Variants in COL8A1 observed in about 807,000 individuals in gnomAD.
COL8A1 encodes collagen alpha-1(VIII) chain.
A neutral mutation model predicts 42.7 loss-of-function variants in COL8A1; 21 were observed. That is an observed-to-expected ratio of 0.49 (90% confidence interval 0.35 to 0.71). The LOEUF (loss-of-function observed/expected upper bound fraction) is 0.71, where lower values mean the gene tolerates loss of function less well. COL8A1 is among the 30% of genes least tolerant of loss of function. The probability of loss-of-function intolerance (pLI) is 0.01; values close to 1 mark genes in which losing one functional copy is unlikely to be tolerated. For missense variants in COL8A1, 788 were observed against 962.4 expected (o/e 0.82, Z 2.40); for synonymous variants, 367 against 369.1 (o/e 0.99, Z 0.06).
chr3:99,706,348 CT>C (rs1328061478), intron 1 of COL8A1, among the ~76,000 whole-genome samples: 2 of 152,164 alleles, frequency 1.3e-5, no homozygotes, highest in Non-Finnish European at 2.9e-5. Flanking sequence ...TGAAAACCAG[CT>C]TTGTTCCCAG....
In COL8A1 at chr3:99,735,630, T is replaced by TG. The variant is rs1192406026; in HGVS notation, c.-128-9266dup. On this transcript the variant is annotated intron_variant, in intron 1 of 3. Transcript: ENST00000652472. ...AAATTCTCTTTTTTTGTTGTGTCTC[T>TG]GCCTGGCTTTGGTATCAGAATGATG... 2.8e-3 allele frequency among the ~76,000 whole-genome samples: 427 copies of TG among 150,098 alleles called. 4 individuals are homozygous for TG. The highest frequency in any genetic ancestry group is 9.9e-3 in the African/African-American group (404 of 40,782).
intron 2 of COL8A1, among the ~76,000 whole-genome samples, chr3:99,753,129 A>T (rs1410532073): frequency 6.6e-6 from 1 of 152,200 alleles, no homozygotes; most frequent in East Asian, 1.9e-4. Context: ...TTTAGCAGAC[A>T]TCAGAATCAT....
chr3:99,660,180 G>A (rs116813838), intron 1 of COL8A1, among the ~76,000 whole-genome samples: 4,226 of 152,154 alleles, frequency 0.028, 94 homozygotes, highest in Middle Eastern at 0.048. Flanking sequence ...AAGTTCCAGC[G>A]GGGAAAGAAG....
intron 3 of COL8A1, among the ~76,000 whole-genome samples, chr3:99,792,565 T>A (rs1372182466): frequency 2.0e-5 from 3 of 152,190 alleles, no homozygotes; most frequent in Admixed American, 1.3e-4. Context: ...ACCTTTCACA[T>A]CTATTCTCTA....
chr3:99,676,195 C>T (rs1470527878), intron 1 of COL8A1, among the ~76,000 whole-genome samples: 1 of 152,074 alleles, frequency 6.6e-6, no homozygotes, highest in African/African-American at 2.4e-5. Flanking sequence ...TGTAAACCTT[C>T]TTACAAAGAA....
At chr3:99,712,627 T>C (rs1034157800) in intron 1 of COL8A1, among the ~76,000 whole-genome samples, 19 of 152,226 alleles carry the variant, frequency 1.2e-4, no homozygotes, top group African/African-American at 4.3e-4. Flanking sequence ...CAGCTAAAGA[T>C]TTTCCAGAAA....
chr3:99,662,993 G>A (rs938760084), intron 1 of COL8A1, among the ~76,000 whole-genome samples: 4 of 151,944 alleles, frequency 2.6e-5, no homozygotes, highest in Non-Finnish European at 4.4e-5. Context: ...TTTCACTCCC[G>A]GTAGATGACT....
At chr3:99,743,268 C>T (rs1047639555) in intron 1 of COL8A1, among the ~76,000 whole-genome samples, 1 of 152,202 alleles carries the variant, frequency 6.6e-6, no homozygotes, top group African/African-American at 2.4e-5. Context: ...AACTTTATTA[C>T]TAAAGATAAT....
intron 2 of COL8A1, among the ~76,000 whole-genome samples, chr3:99,788,446 A>T (rs562384913): frequency 6.6e-6 from 1 of 152,210 alleles, no homozygotes; most frequent in Non-Finnish European, 1.5e-5. Flanking sequence ...AGGGCCAAAC[A>T]TGCTAGCTTA....
intron 1 of COL8A1, among the ~76,000 whole-genome samples, chr3:99,667,443 T>C (rs116276712): frequency 0.099 from 15,112 of 152,186 alleles, 857 homozygotes; most frequent in Non-Finnish European, 0.14. Context: ...TTTGTTGTTG[T>C]TGTGTATGTT....
At chr3:99,649,726 C>A (rs1049599268) in intron 1 of COL8A1, among the ~76,000 whole-genome samples, 2 of 152,086 alleles carry the variant, frequency 1.3e-5, no homozygotes, top group African/African-American at 2.4e-5. Context: ...CCACATCTCC[C>A]TTTCCTCCCC....
At chr3:99,722,273 A>T (rs1300863639) in intron 1 of COL8A1, among the ~76,000 whole-genome samples, 2 of 152,012 alleles carry the variant, frequency 1.3e-5, no homozygotes, top group African/African-American at 4.8e-5. Context: ...AGAATTACAG[A>T]CTCCTTTCCA....
intron 1 of COL8A1, among the ~76,000 whole-genome samples, chr3:99,667,939 T>TA (rs780563133): frequency 9.9e-4 from 151 of 152,092 alleles, no homozygotes; most frequent in African/African-American, 1.4e-3. Context: ...ACTGATTTCA[T>TA]AAAAAAAATT....
chr3:99,651,945 A>C (rs922757074), intron 1 of COL8A1, among the ~76,000 whole-genome samples: 1 of 152,274 alleles, frequency 6.6e-6, no homozygotes, highest in Non-Finnish European at 1.5e-5. Flanking sequence ...GCCAGACAAC[A>C]TCAAGAAATA....
intron 1 of COL8A1, among the ~76,000 whole-genome samples, chr3:99,736,659 G>C (rs1470591178): frequency 6.6e-6 from 1 of 152,114 alleles, no homozygotes; most frequent in African/African-American, 2.4e-5. Flanking sequence ...CAAGTATGTG[G>C]TCAATTTTGG....
At chr3:99,719,388 T>C (rs1436924359) in intron 1 of COL8A1, among the ~76,000 whole-genome samples, 1 of 152,114 alleles carries the variant, frequency 6.6e-6, no homozygotes, top group East Asian at 1.9e-4. Flanking sequence ...AAAATAACTG[T>C]TGAATGAATA....
chr3:99,715,786 G>T (rs1939978523), intron 1 of COL8A1, among the ~76,000 whole-genome samples: 1 of 151,932 alleles, frequency 6.6e-6, no homozygotes, highest in African/African-American at 2.4e-5. Flanking sequence ...CGAAATGAAT[G>T]ATTTTATTGC....
intron 1 of COL8A1, among the ~76,000 whole-genome samples, chr3:99,649,018 C>T (rs1937749911): frequency 6.6e-6 from 1 of 152,134 alleles, no homozygotes; most frequent in Non-Finnish European, 1.5e-5. Flanking sequence ...CCCATGCTCA[C>T]ATTCTGTTAT....
At chr3:99,783,615 G>A (rs756172509) in intron 2 of COL8A1, among the ~76,000 whole-genome samples, 1 of 152,182 alleles carries the variant, frequency 6.6e-6, no homozygotes, top group Non-Finnish European at 1.5e-5. Flanking sequence ...AAGAAAGGAG[G>A]TTTAATTGAC....
Sources: gnomAD v4.1 joint callset for allele counts (sites outside exome capture counted in the v4.1 genomes callset) on GRCh38, gnomAD v4.1.1 for gene constraint, MANE v1.5 for transcripts, NCBI Gene and HGNC (gene_info 2026-07-23, HGNC 2026-07-21) for gene names.